NRG3: variants seen among roughly 807,000 people sequenced by gnomAD.
NRG3 encodes the protein neuregulin 3.
Under a neutral mutation model 66.9 loss-of-function variants are expected in NRG3, and 31 were observed. The observed-to-expected ratio is 0.46, with a 90% CI of 0.35 to 0.63. The LOEUF is 0.63. NRG3 is among the 20% of genes least tolerant of loss of function. The pLI is 0.00. For synonymous variants in NRG3, 393 were observed against 359.4 expected (o/e 1.09, Z -1.06); for missense variants, 910 against 878.9 (o/e 1.04, Z -0.45).
intron 1 of NRG3, among the ~76,000 whole-genome samples, chr10:82,029,267 T>A (rs543233379): frequency 2.8e-4 from 43 of 152,200 alleles, no homozygotes; most frequent in African/African-American, 7.5e-4. Context: ...ATTGGCTGTG[T>A]GCTGTGGAGA....
chr10:82,456,137 C>CTTTTTTTTT (rs147759240), intron 2 of NRG3, among the ~76,000 whole-genome samples: 1 of 88,812 alleles, frequency 1.1e-5, no homozygotes, highest in Non-Finnish European at 2.4e-5. Flanking sequence ...TTTTCTGTCA[C>CTTTTTTTTT]TTTTTTTTTT....
chr10:82,480,763 ATATACCCTGT>A (rs1484126724), intron 2 of NRG3, among the ~76,000 whole-genome samples: 3 of 152,210 alleles, frequency 2.0e-5, no homozygotes, highest in Admixed American at 1.3e-4. Context: ...TTCTGCACAG[ATATACCCTGT>A]TTCATAGCTG....
intron 2 of NRG3, among the ~76,000 whole-genome samples, chr10:82,415,634 T>C (rs761473362): frequency 9.2e-5 from 14 of 152,174 alleles, no homozygotes; most frequent in Admixed American, 3.3e-4. Context: ...CCAAGCACAC[T>C]TGAATTTATT....
intron 1 of NRG3, among the ~76,000 whole-genome samples, chr10:82,130,098 CAA>C (rs1554830695): frequency 2.0e-5 from 3 of 151,976 alleles, no homozygotes; most frequent in Non-Finnish European, 4.4e-5. Context: ...TGAGAACATG[CAA>C]AGTTTGTCTT....
chr10:82,009,326 ACCTTTT>A (rs2061489711), intron 1 of NRG3, among the ~76,000 whole-genome samples: 1 of 152,110 alleles, frequency 6.6e-6, no homozygotes, highest in Non-Finnish European at 1.5e-5. Flanking sequence ...TTGCTTTGTA[ACCTTTT>A]CCTGAATAGT....
chr10:81,993,841 G>A (rs184078683), intron 1 of NRG3, among the ~76,000 whole-genome samples: 40 of 152,316 alleles, frequency 2.6e-4, no homozygotes, highest in Non-Finnish European at 5.4e-4. Context: ...AAGCGCAGAA[G>A]CATTGAGAAA....
intron 3 of NRG3, among the ~76,000 whole-genome samples, chr10:82,779,818 G>A (rs149639087): frequency 0.02 from 3,013 of 151,892 alleles, 109 homozygotes; most frequent in African/African-American, 0.068. Flanking sequence ...GTGGTTTGCT[G>A]CACCCATCAA....
At chr10:81,976,797 A>G (rs1347622554) in intron 1 of NRG3, among the ~76,000 whole-genome samples, 9 of 152,182 alleles carry the variant, frequency 5.9e-5, no homozygotes, top group Non-Finnish European at 1.5e-5. Flanking sequence ...TGGACATTAA[A>G]TTCTATAGGA....
chr10:81,941,697 A>G (rs1424968044), intron 1 of NRG3, among the ~76,000 whole-genome samples: 1 of 152,142 alleles, frequency 6.6e-6, no homozygotes, highest in Non-Finnish European at 1.5e-5. Flanking sequence ...CAGTATGTCC[A>G]GTTTATTCAC....
At chr10:82,066,771 A>G (rs1486353016) in intron 1 of NRG3, among the ~76,000 whole-genome samples, 1 of 152,076 alleles carries the variant, frequency 6.6e-6, no homozygotes, top group East Asian at 1.9e-4. Context: ...GATCAGCCAT[A>G]TGTTGGGAAG....
chr10:82,705,632 G>T (rs1176957283), intron 2 of NRG3, among the ~76,000 whole-genome samples: 2 of 152,194 alleles, frequency 1.3e-5, no homozygotes, highest in Non-Finnish European at 2.9e-5. Context: ...CCTGAGGAGG[G>T]CTTACAGTGT....
intron 1 of NRG3, among the ~76,000 whole-genome samples, chr10:81,894,683 T>A (rs949789999): frequency 6.6e-6 from 1 of 152,136 alleles, no homozygotes; most frequent in African/African-American, 2.4e-5. Context: ...TCTCTCTGAG[T>A]GTAGACAGTG....
At chr10:82,141,185 G>T (rs958857891) in intron 1 of NRG3, among the ~76,000 whole-genome samples, 6 of 152,042 alleles carry the variant, frequency 3.9e-5, no homozygotes, top group African/African-American at 1.2e-4. Flanking sequence ...CTATCATAGG[G>T]TTATGTGTGT....
chr10:82,424,191 G>T (rs1233005147), intron 2 of NRG3, among the ~76,000 whole-genome samples: 1 of 151,952 alleles, frequency 6.6e-6, no homozygotes, highest in African/African-American at 2.4e-5. Flanking sequence ...TGGTAATTCT[G>T]CATTTAACAT....
chr10:82,719,936 A>C (rs1729164191), intron 2 of NRG3, among the ~76,000 whole-genome samples: 1 of 152,196 alleles, frequency 6.6e-6, no homozygotes, highest in Non-Finnish European at 1.5e-5. Context: ...GTACATATTA[A>C]ATCTAAATCT....
At chr10:82,786,009 G>C (rs2060345816) in intron 3 of NRG3, among the ~76,000 whole-genome samples, 1 of 152,186 alleles carries the variant, frequency 6.6e-6, no homozygotes, top group Non-Finnish European at 1.5e-5. Flanking sequence ...ATGTTGCGAA[G>C]AACCTGTGAG....
At position 82,370,388 on chromosome 10, in the gene NRG3, C is replaced by T. The variant is rs1439866613; in HGVS notation, c.953+11520C>T. 1.4e-5 allele frequency among the ~76,000 whole-genome samples: 2 copies of T among 138,278 alleles called. 1 individual carries two copies. Among genetic ancestry groups the T allele is most frequent in the African/African-American group, 6.7e-5 (2 of 29,764 alleles). 90.7% of individuals were successfully genotyped at this position (138,278 alleles called of 152,430 possible). On this transcript the variant is annotated intron_variant, in intron 2 of 8. Coordinates refer to ENST00000372141, the MANE Select transcript of NRG3 (RefSeq NM_001010848.4). ...CTCCCCTCAGCATCCAGACATCCCT[C>T]CTCTTCTCTTTCTCTGCCGCGTCGT...
chr10:82,594,920 A>AT (rs2047185509), intron 2 of NRG3, among the ~76,000 whole-genome samples: 2 of 152,112 alleles, frequency 1.3e-5, no homozygotes, highest in Non-Finnish European at 2.9e-5. Flanking sequence ...GTCTTTGACA[A>AT]TAGAAGAATG....
intron 1 of NRG3, among the ~76,000 whole-genome samples, chr10:81,939,472 T>G (rs1031926880): frequency 4.6e-5 from 7 of 152,014 alleles, no homozygotes; most frequent in Non-Finnish European, 8.8e-5. Context: ...TGTTCAGATT[T>G]TCATATTTTC....
Sources: allele counts gnomAD v4.1 joint callset (sites outside exome capture counted in the v4.1 genomes callset), GRCh38; gene constraint gnomAD v4.1.1; transcripts MANE v1.5; gene names NCBI Gene and HGNC (gene_info 2026-07-23, HGNC 2026-07-21).